The following ZNF385D variants were observed in gnomAD, a reference collection of about 807,000 sequenced individuals.
ZNF385D encodes the protein zinc finger protein 659.
In ZNF385D, 15 loss-of-function variants were observed where a neutral mutation model predicts 35.8. The observed-to-expected ratio is 0.42, with a 90% confidence interval of 0.28 to 0.64. The LOEUF (loss-of-function observed/expected upper bound fraction) is 0.64, where lower values mean the gene tolerates loss of function less well. ZNF385D is among the 30% of genes least tolerant of loss of function. The pLI is 0.23. For missense variants in ZNF385D, 474 were observed against 494.6 expected, an observed-to-expected ratio of 0.96 and a Z score of 0.39; for synonymous variants, 212 against 186.8, an observed-to-expected ratio of 1.13 and a Z score of -1.10.
intron 4 of ZNF385D, among the ~76,000 whole-genome samples, chr3:21,469,454 G>A (rs977595142): frequency 2.6e-5 from 4 of 152,128 alleles, no homozygotes; most frequent in African/African-American, 9.7e-5. Context: ...CATGGTACTA[G>A]CCCTTCCTTT....
intron 4 of ZNF385D, among the ~76,000 whole-genome samples, chr3:21,472,852 G>C (rs1703994439): frequency 6.6e-6 from 1 of 152,056 alleles, no homozygotes; most frequent in South Asian, 2.1e-4. Context: ...CACATTGCTG[G>C]GTAGAGTTAT....
intron 3 of ZNF385D, among the ~76,000 whole-genome samples, chr3:21,535,271 C>T (rs1009342572): frequency 7.9e-5 from 12 of 152,082 alleles, no homozygotes; most frequent in African/African-American, 2.4e-4. Flanking sequence ...TTTTATTCAT[C>T]TAACTGCCAG....
intron 1 of ZNF385D, among the ~76,000 whole-genome samples, chr3:21,681,212 G>A (rs1020077688): frequency 1.4e-5 from 2 of 139,374 alleles, no homozygotes; most frequent in Non-Finnish European, 3.0e-5. Context: ...TAGGAATATG[G>A]TAAGGTAAAC....
chr3:21,915,507 A>C (rs1203728813), intron 3 of ZNF385D, among the ~76,000 whole-genome samples: 1 of 152,094 alleles, frequency 6.6e-6, no homozygotes, highest in Non-Finnish European at 1.5e-5. Context: ...TTTCTGTTAC[A>C]AGGTAAAATA....
chr3:22,172,866 G>A (rs1694557975), intron 2 of ZNF385D, among the ~76,000 whole-genome samples: 2 of 152,118 alleles, frequency 1.3e-5, no homozygotes, highest in South Asian at 2.1e-4. Context: ...GCGGGATAGG[G>A]CACAACACTC....
chr3:21,750,440 A>G (rs900772395), intron 1 of ZNF385D, among the ~76,000 whole-genome samples: 4 of 152,202 alleles, frequency 2.6e-5, no homozygotes, highest in African/African-American at 7.2e-5. Context: ...TCACTAGACA[A>G]TGTTTTCCTT....
chr3:21,880,480 G>A (rs552148905), intron 3 of ZNF385D, among the ~76,000 whole-genome samples: 1 of 152,080 alleles, frequency 6.6e-6, no homozygotes, highest in Non-Finnish European at 1.5e-5. Flanking sequence ...CATAAACTGT[G>A]CCTATAAGAG....
chr3:22,149,663 GTTAC>G (rs944107785), intron 3 of ZNF385D, among the ~76,000 whole-genome samples: 5 of 152,144 alleles, frequency 3.3e-5, no homozygotes, highest in South Asian at 2.1e-4. Context: ...TAGGCTATTT[GTTAC>G]TTACACTCTT....
At chr3:22,146,197 CATTTGTACTT>C (rs1175502361) in intron 3 of ZNF385D, among the ~76,000 whole-genome samples, 1 of 152,168 alleles carries the variant, frequency 6.6e-6, no homozygotes, top group Non-Finnish European at 1.5e-5. Flanking sequence ...AGCAAAGTTT[CATTTGTACTT>C]ATAGGATTTC....
intron 4 of ZNF385D, among the ~76,000 whole-genome samples, chr3:21,454,973 C>G (rs569379412): frequency 6.6e-6 from 1 of 152,250 alleles, no homozygotes; most frequent in Non-Finnish European, 1.5e-5. Flanking sequence ...CATGAGTGAA[C>G]TCCCATTCAC....
intron 2 of ZNF385D, among the ~76,000 whole-genome samples, chr3:22,222,682 T>A (rs2125282708): frequency 6.6e-6 from 1 of 152,274 alleles, no homozygotes; most frequent in African/African-American, 2.4e-5. Context: ...ATAATCCACC[T>A]TCCATAGTGT....
At chr3:21,583,081 T>C (rs552336986) in intron 2 of ZNF385D, among the ~76,000 whole-genome samples, 111 of 152,318 alleles carry the variant, frequency 7.3e-4, no homozygotes, top group Non-Finnish European at 1.4e-3. Context: ...ACACTTTTAA[T>C]GTCTACCACA....
intron 2 of ZNF385D, among the ~76,000 whole-genome samples, chr3:22,190,073 G>A (rs1277391726): frequency 1.3e-5 from 2 of 152,118 alleles, no homozygotes; most frequent in South Asian, 2.1e-4. Context: ...GGCCCAGTGG[G>A]TGTAACGAAG....
At chr3:21,648,547 C>A (rs528945404) in intron 2 of ZNF385D, among the ~76,000 whole-genome samples, 3 of 152,262 alleles carry the variant, frequency 2.0e-5, no homozygotes, top group Admixed American at 2.0e-4. Flanking sequence ...ATGGGAGAAT[C>A]ACAATCTTCT....
At chr3:22,321,415 G>C (rs1038067192) in intron 2 of ZNF385D, among the ~76,000 whole-genome samples, 4 of 151,878 alleles carry the variant, frequency 2.6e-5, no homozygotes, top group South Asian at 2.1e-4. Context: ...GCCCAGGCTG[G>C]AGTGCAATGG....
intron 3 of ZNF385D, among the ~76,000 whole-genome samples, chr3:22,124,597 T>A (rs1447776492): frequency 6.6e-6 from 1 of 152,190 alleles, no homozygotes; most frequent in Non-Finnish European, 1.5e-5. Context: ...ATTGCTCATC[T>A]TTTGGATAAA....
intron 2 of ZNF385D, among the ~76,000 whole-genome samples, chr3:22,231,872 G>C (rs1377129615): frequency 6.6e-6 from 1 of 151,964 alleles, no homozygotes; most frequent in African/African-American, 2.4e-5. Context: ...GGTATTCTTA[G>C]GATAGAATTC....
rs186519125 is a variant in ZNF385D, at chr3:21,863,898, G to A, written c.326-198870C>T. On this transcript the variant is annotated intron_variant, in intron 3 of 5. Coordinates refer to the ZNF385D transcript ENST00000494108. ...TAATGAGTTTTTCAAACATTAATGCGCACATGAATCACCAGGAATCTTGTT... is the reference window on the plus strand; with the variant it reads ...TAATGAGTTTTTCAAACATTAATGCACACATGAATCACCAGGAATCTTGTT... Among the ~76,000 whole-genome samples, 96 of 152,140 alleles carry A rather than the reference G, an allele frequency of 6.3e-4. 1 individual carries two copies. The highest frequency in any genetic ancestry group is 1.9e-3 in the African/African-American group (78 of 41,528).
At chr3:21,911,299 T>C (rs1306171656) in intron 3 of ZNF385D, among the ~76,000 whole-genome samples, 1 of 151,956 alleles carries the variant, frequency 6.6e-6, no homozygotes, top group African/African-American at 2.4e-5. Context: ...GTAAGAAACA[T>C]TAGTAAAGTT....
Sources: gnomAD v4.1 joint callset for allele counts (sites outside exome capture counted in the v4.1 genomes callset) on GRCh38, gnomAD v4.1.1 for gene constraint, MANE v1.5 for transcripts, NCBI Gene and HGNC (gene_info 2026-07-23, HGNC 2026-07-21) for gene names.